ACSBG1: variants seen among roughly 807,000 people sequenced by gnomAD.
The protein encoded by ACSBG1 is long-chain-fatty-acid--CoA ligase ACSBG1.
A neutral mutation model predicts 80.2 loss-of-function variants in ACSBG1; 39 were observed. The ratio of observed to expected loss-of-function variants is 0.49; its 90% CI spans 0.38 to 0.64. The LOEUF (loss-of-function observed/expected upper bound fraction) is 0.64. Among genes scored for constraint, ACSBG1 ranks in the 30% least tolerant of loss-of-function variants. ACSBG1 has a pLI of 0.00. For missense variants in ACSBG1, 828 were observed against 966.4 expected (o/e 0.86, Z 1.90); for synonymous variants, 392 against 379.5 (o/e 1.03, Z -0.38).
intron 5 of ACSBG1, 122 bp from the exon 6 acceptor site, chr15:78,182,907 C>T (rs2074963966): frequency 2.0e-6 from 2 of 1,021,496 alleles, no homozygotes; most frequent in Middle Eastern, 2.6e-4. Flanking sequence ...CTCTGACCTT[C>T]GACCCCAGCA....
At chr15:78,201,014 G>A (rs1444294003) in intron 2 of ACSBG1, among the ~76,000 whole-genome samples, 3 of 152,100 alleles carry the variant, frequency 2.0e-5, no homozygotes, top group Non-Finnish European at 2.9e-5. Flanking sequence ...CCTGTGCTGC[G>A]ACTCTGCCTG....
intron 11 of ACSBG1, among the ~76,000 whole-genome samples, chr15:78,175,423 CCCA>C: frequency 6.6e-6 from 1 of 152,234 alleles, no homozygotes; most frequent in South Asian, 2.1e-4. Flanking sequence ...CTGCAAGGAG[CCCA>C]CAGTGCAGCG....
chr15:78,205,223 C>T (rs1016060252), intron 2 of ACSBG1, among the ~76,000 whole-genome samples: 8 of 152,126 alleles, frequency 5.3e-5, no homozygotes, highest in Non-Finnish European at 1.2e-4. Context: ...ATTCCAGTGT[C>T]TCGGTGGCCT....
At chr15:78,182,190 C>A in intron 7 of ACSBG1, 45 bp from the exon 8 acceptor site, 1 of 1,585,502 alleles carries the variant, frequency 6.3e-7, no homozygotes, top group Admixed American at 1.7e-5. Flanking sequence ...ACAAGCCAGC[C>A]CTGGCGGTGC....
In ACSBG1 at chr15:78,174,349, G is replaced by A. The variant is rs375058714; in HGVS notation, c.1842+36C>T. ...AGCCAGACCCACAGACCCCCTCACT[G>A]GCTGCTCCTTCTGAGCTGGAGCCCC... On this transcript the variant is annotated intron_variant, in intron 12 of 13. Transcript: ENST00000258873. 89 of 1,613,808 alleles carry A rather than the reference G, an allele frequency of 5.5e-5. No homozygotes were observed. In the Admixed American group the frequency reaches 1.0e-3, roughly 18 times the overall value.
chr15:78,230,866 G>T (rs2075440669), intron 1 of ACSBG1, among the ~76,000 whole-genome samples: 1 of 152,210 alleles, frequency 6.6e-6, no homozygotes, highest in Non-Finnish European at 1.5e-5. Context: ...TTTATCAGCA[G>T]CGGGAAAACA....
At chr15:78,233,277 C>A (rs190709251) in intron 1 of ACSBG1, among the ~76,000 whole-genome samples, 1 of 152,336 alleles carries the variant, frequency 6.6e-6, no homozygotes, top group East Asian at 1.9e-4. Flanking sequence ...TCTCTGGAGA[C>A]CCAGGGCAGG....
At chr15:78,194,270 T>C (rs1228799102) in intron 3 of ACSBG1, among the ~76,000 whole-genome samples, 1 of 152,198 alleles carries the variant, frequency 6.6e-6, no homozygotes, top group African/African-American at 2.4e-5. Context: ...CCACCCTGAA[T>C]GTGATCACAA....
In ACSBG1 at chr15:78,178,511, A is replaced by AG; in HGVS notation, c.1702+102dup. Reference sequence around the variant, plus strand: ...GAGATGGGGTTTCGCTGTGCTGCCCAGGGTGGTCTTGAACTCCTGAGCTCA... The same window carrying AG: ...GAGATGGGGTTTCGCTGTGCTGCCCAGGGGTGGTCTTGAACTCCTGAGCTCA... On this transcript the variant is annotated intron_variant, in intron 11 of 13. Transcript: ENST00000258873. The surrounding 1 kb of genome is among the most constrained non-coding windows in gnomAD (Gnocchi z 4.3). The AG allele has an allele frequency of 7.8e-7, 1 of 1,288,308 alleles. No individual in the cohort carries two copies. The highest frequency in any genetic ancestry group is 1.1e-6 in the Non-Finnish European group (1 of 951,722). The allele number at this position is 1,288,308 out of a possible 1,614,324, so 79.8% of individuals were successfully genotyped here.
At chr15:78,182,181 C>A in intron 7 of ACSBG1, 36 bp from the exon 8 acceptor site, 1 of 1,592,230 alleles carries the variant, frequency 6.3e-7, no homozygotes, top group Non-Finnish European at 8.5e-7. Flanking sequence ...GCAGTGTCCA[C>A]AAGCCAGCCC....
chr15:78,193,727 T>C (rs2075081166), intron 4 of ACSBG1, 101 bp from the exon 5 acceptor site: 3 of 1,291,328 alleles, frequency 2.3e-6, no homozygotes, highest in Non-Finnish European at 3.0e-6. Flanking sequence ...AGAGCTCCCA[T>C]AGCCTGGCAG....
chr15:78,221,083 GT>G (rs1410763851), intron 1 of ACSBG1, among the ~76,000 whole-genome samples: 2 of 152,212 alleles, frequency 1.3e-5, no homozygotes, highest in African/African-American at 4.8e-5. Flanking sequence ...ACACCTCTGG[GT>G]ATTTCTCATG....
At chr15:78,181,927 G>A in intron 8 of ACSBG1, 42 bp downstream of exon 8, 1 of 1,595,234 alleles carries the variant, frequency 6.3e-7, no homozygotes, top group Non-Finnish European at 8.6e-7. Flanking sequence ...GACGTGGCCT[G>A]GCACACGGGC....
chr15:78,182,286 C>T lies in ACSBG1; in HGVS notation c.895-141G>A, dbSNP rs536767904. ...AGGCTCTGAAAACCCCAGGACAGGC[C>T]TCCCCTCCCCCTTGCTGAGCTCAGT... On this transcript the variant is annotated intron_variant, in intron 7 of 13. Coordinates refer to ENST00000258873, the MANE Select transcript of ACSBG1 (RefSeq NM_015162.5). The T allele has an allele frequency of 3.5e-4, 460 of 1,317,150 alleles. 3 individuals are homozygous for T. In the South Asian group the frequency reaches 3.6e-3, roughly 10 times the overall value. 81.6% of individuals were successfully genotyped at this position (1,317,150 alleles called of 1,614,324 possible).
intron 3 of ACSBG1, 53 bp from the exon 4 acceptor site, chr15:78,194,073 C>G (rs897759338): frequency 6.4e-7 from 1 of 1,572,978 alleles, no homozygotes; most frequent in East Asian, 2.2e-5. Context: ...CTGGGACCCT[C>G]ATGCCCCTCT....
intron 2 of ACSBG1, among the ~76,000 whole-genome samples, chr15:78,195,049 G>T (rs986148726): frequency 6.6e-6 from 1 of 152,254 alleles, no homozygotes. Flanking sequence ...AGGTTGGGCA[G>T]TGGAACTGTC....
At chr15:78,229,074 C>CTTTTTTTTTT (rs3973561) in intron 1 of ACSBG1, among the ~76,000 whole-genome samples, 1 of 146,864 alleles carries the variant, frequency 6.8e-6, no homozygotes. Context: ...ATTATATTCC[C>CTTTTTTTTTT]TTTTTTTTTT....
intron 11 of ACSBG1, among the ~76,000 whole-genome samples, chr15:78,175,633 C>T (rs1381616126): frequency 1.3e-5 from 2 of 152,206 alleles, no homozygotes; most frequent in African/African-American, 4.8e-5. Context: ...TAGAGGCCTC[C>T]AGTGCTGGCT....
At position 78,234,472 on chromosome 15, in the gene ACSBG1, G is replaced by A. The variant is rs1335648488; in HGVS notation, c.30C>T (p.Gly10=). The A allele has an allele frequency of 3.1e-6, 5 of 1,612,254 alleles. No individual in the cohort carries two copies. The highest frequency in any genetic ancestry group is 4.2e-6 in the Non-Finnish European group (5 of 1,180,014). ...GCATGCTGGGGTCCCCGTGTGGGCA[G>A]CCGTATCCAGCTCCAGAATTGCGTG... The part of the protein sequence containing the change: MPRNSGAGY[G]CPHGDPSMLD... Residue 10 remains glycine (G), a synonymous_variant, in exon 1 of 14, where the codon GGC becomes GGT. Transcript: ENST00000258873.
Sources: gnomAD v4.1 joint callset for allele counts (sites outside exome capture counted in the v4.1 genomes callset) on GRCh38, gnomAD v4.1.1 for gene constraint, Gnocchi (gnomAD v3.1) non-coding constraint, MANE v1.5 for transcripts, NCBI Gene and HGNC (gene_info 2026-07-23, HGNC 2026-07-21) for gene names.